SLC6A4: variants seen among roughly 807,000 people sequenced by gnomAD.
SLC6A4 encodes the protein sodium-dependent serotonin transporter.
A neutral mutation model predicts 73.4 loss-of-function variants in SLC6A4; 22 were observed. The ratio of observed to expected loss-of-function variants is 0.30; its 90% confidence interval spans 0.21 to 0.43. The LOEUF is 0.43. Among genes scored for constraint, SLC6A4 ranks in the 20% least tolerant of loss-of-function variants. SLC6A4 has a pLI of 1.00. For missense variants in SLC6A4, 593 were observed against 808.5 expected, an observed-to-expected ratio of 0.73 and a Z score of 3.23; for synonymous variants, 270 against 315.5, an observed-to-expected ratio of 0.86 and a Z score of 1.53.
rs4583306 is a variant in SLC6A4 at position 30,211,697 on chromosome 17, A to G, written c.1205-273T>C. Among the ~76,000 whole-genome samples the G allele has an allele frequency of 0.38, 57,472 of 152,036 alleles. 12,492 individuals are homozygous for G. Among genetic ancestry groups the G allele is most frequent in the East Asian group, 0.82 (4,227 of 5,168 alleles). The stretch of plus-strand genomic sequence containing the variant: ...GGTGGGTAACAGATCCAAGACCCAG[A>G]GACTGGCAAAGCTGCACATGAGAAT... On this transcript the variant is annotated intron_variant, in intron 9 of 14. Transcript: ENST00000650711. This position sits in a 1 kb window ranked among gnomAD's most constrained non-coding sequence, Gnocchi z 4.0.
chr17:30,228,486 C>T (rs746083855), intron 1 of SLC6A4, among the ~76,000 whole-genome samples: 6 of 152,280 alleles, frequency 3.9e-5, no homozygotes, highest in Non-Finnish European at 7.4e-5. Flanking sequence ...GCTCCCAGCA[C>T]GGGCCTCACT....
intron 7 of SLC6A4, 113 bp from the exon 8 acceptor site, chr17:30,215,827 C>T (rs878866825): frequency 9.6e-6 from 9 of 933,274 alleles, no homozygotes; most frequent in South Asian, 2.9e-5. Flanking sequence ...GGCAGAAAAA[C>T]AGCTTTTAAG....
rs528480046 is a variant in SLC6A4 at position 30,220,462 on chromosome 17, C to A, written c.343+1154G>T. Among the ~76,000 whole-genome samples the A allele has an allele frequency of 3.9e-5, 6 of 152,252 alleles. No individual in the cohort carries two copies. The South Asian group carries it at 1.2e-3, about 32-fold the overall frequency. On this transcript the variant is annotated intron_variant, in intron 3 of 14. Coordinates refer to ENST00000650711, the MANE Select transcript of SLC6A4 (RefSeq NM_001045.6). ...AACTACTTGAGAGGCTTTAGGGGTACAAGGAACAAGATAGGGCCTCTGGCC... is the reference window on the plus strand; with the variant it reads ...AACTACTTGAGAGGCTTTAGGGGTAAAAGGAACAAGATAGGGCCTCTGGCC...
intron 14 of SLC6A4, among the ~76,000 whole-genome samples, chr17:30,202,631 T>C (rs1020786583): frequency 1.3e-5 from 2 of 152,224 alleles, no homozygotes; most frequent in Admixed American, 6.5e-5. Flanking sequence ...AATCTTGCTA[T>C]CCTGGCAAAA....
At chr17:30,227,068 T>A (rs9903602) in intron 1 of SLC6A4, among the ~76,000 whole-genome samples, 1 of 152,128 alleles carries the variant, frequency 6.6e-6, no homozygotes, top group African/African-American at 2.4e-5. Context: ...CGTGTTTAGA[T>A]AGCTCACATG....
At chr17:30,201,598 GCCAAGA>G (rs1906038409) in intron 14 of SLC6A4, among the ~76,000 whole-genome samples, 1 of 152,304 alleles carries the variant, frequency 6.6e-6, no homozygotes, top group African/African-American at 2.4e-5. Flanking sequence ...CATCACAACT[GCCAAGA>G]CAGATGACCG....
intron 3 of SLC6A4, among the ~76,000 whole-genome samples, chr17:30,220,202 G>A (rs1405057158): frequency 6.6e-6 from 1 of 152,108 alleles, no homozygotes; most frequent in East Asian, 1.9e-4. Flanking sequence ...GAGAAGTGAG[G>A]GTGACACAAA....
intron 6 of SLC6A4, 118 bp downstream of exon 6, chr17:30,217,048 C>T (rs1253251876): frequency 1.1e-6 from 1 of 885,918 alleles, no homozygotes; most frequent in African/African-American, 1.7e-5. Flanking sequence ...GAGGGTGCAT[C>T]ATGGAATGTG....
At chr17:30,210,201 A>C (rs953294344) in intron 11 of SLC6A4, among the ~76,000 whole-genome samples, 3 of 152,230 alleles carry the variant, frequency 2.0e-5, no homozygotes, top group African/African-American at 7.2e-5. Flanking sequence ...TCAAGAAAGC[A>C]GCTCTAAAGA....
chr17:30,218,895 A>C lies in SLC6A4; in HGVS notation c.380T>G (p.Phe127Cys), dbSNP rs780022333. ...CATGTAAAAGAGCGGGATTCCCCCA[A>C]AAATGGCCATGATGGTGTAGGGGAG... ...FLLPYTIMAI[F>C]GGIPLFYMEL... The change falls in exon 4 of 15, where the codon TTT becomes TGT. Residue 127 changes from phenylalanine (F) to cysteine (C), a missense_variant. By Grantham distance (205) the Phe-to-Cys change is radical. Coordinates refer to ENST00000650711, the MANE Select transcript of SLC6A4 (RefSeq NM_001045.6). The C allele has an allele frequency of 6.2e-7, 1 of 1,614,108 alleles. No individual in the cohort carries two copies. The highest frequency in any genetic ancestry group is 1.7e-5 in the Admixed American group (1 of 60,010).
At chr17:30,214,643 T>C (rs1166849840) in intron 8 of SLC6A4, among the ~76,000 whole-genome samples, 1 of 148,874 alleles carries the variant, frequency 6.7e-6, no homozygotes, top group Non-Finnish European at 1.5e-5. Flanking sequence ...TCTTTTTTTT[T>C]TTTTTTTTTG....
intron 13 of SLC6A4, chr17:30,204,579 G>A (rs576475841): frequency 6.6e-6 from 1 of 152,314 alleles, no homozygotes; most frequent in East Asian, 1.9e-4. Context: ...TCAACCTCCG[G>A]TTGGGGCAAG....
intron 5 of SLC6A4, among the ~76,000 whole-genome samples, chr17:30,217,843 G>T (rs1234619393): frequency 1.3e-5 from 2 of 152,216 alleles, no homozygotes; most frequent in African/African-American, 4.8e-5. Context: ...GGAAGAAGGG[G>T]AGTAATTTTG....
intron 13 of SLC6A4, among the ~76,000 whole-genome samples, chr17:30,204,005 ATG>A (rs1221985380): frequency 6.6e-6 from 1 of 152,222 alleles, no homozygotes; most frequent in East Asian, 1.9e-4. Context: ...TCAACAATGA[ATG>A]TCTGCCTGCC....
intron 8 of SLC6A4, 135 bp downstream of exon 8, chr17:30,215,476 C>A: frequency 1.4e-6 from 1 of 721,326 alleles, no homozygotes; most frequent in South Asian, 1.6e-5. Flanking sequence ...GGGCCTGCAG[C>A]ACCCCTGAGG....
At chr17:30,220,660 C>T (rs1224517591) in intron 3 of SLC6A4, among the ~76,000 whole-genome samples, 2 of 152,188 alleles carry the variant, frequency 1.3e-5, no homozygotes, top group African/African-American at 2.4e-5. Flanking sequence ...TCCAAAGGAT[C>T]AGAAGCATCT....
intron 8 of SLC6A4, among the ~76,000 whole-genome samples, chr17:30,214,999 C>T (rs1375663131): frequency 2.8e-3 from 77 of 27,478 alleles, no homozygotes; most frequent in African/African-American, 5.2e-3. Flanking sequence ...TTCCTTCCTT[C>T]CTTTCTTTCT....
rs1472045495 is a variant in SLC6A4 at position 30,221,695 on chromosome 17, G to A, written c.264C>T (p.Phe88=). ...ERETWGKKVD[F]LLSVIGYAVD... ...CAGCATAGCCAATCACTGAGAGAAG[G>A]AAATCCACCTTCTTGCCCCAGGTCT... The change falls in exon 3 of 15, where the codon TTC becomes TTT. Residue 88 remains phenylalanine, a synonymous_variant. Transcript: ENST00000650711. The A allele has an allele frequency of 6.2e-7, 1 of 1,614,154 alleles. No individual in the cohort carries two copies.
In SLC6A4 at chr17:30,211,485, AG is replaced by A. The variant is rs1223230797; in HGVS notation, c.1205-62del. ...AAGACCTGTCCTACAAAGATGTCAC[AG>A]AGGAAAACTCAGCCACAACAACAGT... On this transcript the variant is annotated intron_variant, in intron 9 of 14. Transcript: ENST00000650711. This position sits in a 1 kb window ranked among gnomAD's most constrained non-coding sequence, Gnocchi z 4.0. The A allele has an allele frequency of 4.8e-6, 5 of 1,032,118 alleles. No individual in the cohort carries two copies. The African/African-American group carries it at 7.8e-5, about 16-fold the overall frequency. 63.9% of individuals were successfully genotyped at this position (1,032,118 alleles called of 1,614,324 possible). A position where few individuals can be genotyped will look rare whatever the true frequency, so the allele number is the denominator to read the frequency against.
Sources: allele counts gnomAD v4.1 joint callset (sites outside exome capture counted in the v4.1 genomes callset), GRCh38; gene constraint gnomAD v4.1.1; non-coding constraint Gnocchi (gnomAD v3.1); transcripts MANE v1.5; gene names NCBI Gene and HGNC (gene_info 2026-07-23, HGNC 2026-07-21).